The following ARHGAP32 variants were observed in gnomAD, a reference collection of about 807,000 sequenced individuals.
ARHGAP32 encodes rho GTPase-activating protein 32.
Under a neutral mutation model 186.5 loss-of-function variants are expected in ARHGAP32, and 51 were observed. The observed-to-expected ratio is 0.27, with a 90% CI of 0.22 to 0.35. The LOEUF (loss-of-function observed/expected upper bound fraction) is 0.35, where lower values mean the gene tolerates loss of function less well. Among genes scored for constraint, ARHGAP32 ranks in the 10% least tolerant of loss-of-function variants. The probability of loss-of-function intolerance (pLI) is 1.00; values close to 1 mark genes in which losing one functional copy is unlikely to be tolerated. For missense variants in ARHGAP32, 2,186 were observed against 2,623.5 expected (o/e 0.83, Z 3.64); for synonymous variants, 950 against 964.3 (o/e 0.99, Z 0.27).
chr11:129,004,494 G>T (rs1037756526), intron 11 of ARHGAP32, among the ~76,000 whole-genome samples: 1 of 151,880 alleles, frequency 6.6e-6, no homozygotes, highest in African/African-American at 2.4e-5. Context: ...ATTGTATTGG[G>T]ATCTATCTCT....
intron 1 of ARHGAP32, among the ~76,000 whole-genome samples, chr11:129,217,571 C>T (rs1248587700): frequency 6.6e-6 from 1 of 152,120 alleles, no homozygotes; most frequent in East Asian, 1.9e-4. Flanking sequence ...TATATATACT[C>T]TGTAATTTAT....
At chr11:128,986,742 A>G in intron 13 of ARHGAP32, 74 bp from the exon 14 acceptor site, 1 of 1,462,330 alleles carries the variant, frequency 6.8e-7, no homozygotes, top group East Asian at 2.3e-5. Flanking sequence ...AACAGAAAGC[A>G]TAAGCTCCAA....
At position 128,972,906 on chromosome 11, in the gene ARHGAP32, C is replaced by T. The variant is rs755063916; in HGVS notation, c.3600G>A (p.Gln1200=). 4.3e-6 allele frequency: 7 copies of T among 1,614,016 alleles called. No homozygotes were observed. The East Asian group carries it at 6.7e-5, about 15-fold the overall frequency. ...SDDHVSFPED[Q]SGKNSMPTVS... ...CAGTTGGCATACTGTTCTTCCCAGA[C>T]TGGTCTTCAGGGAAACTTACATGAT... is the stretch of plus-strand genomic sequence containing the variant. Residue 1200 remains glutamine (Q), a synonymous_variant, in exon 22 of 23, where the codon CAG becomes CAA. Coordinates refer to ENST00000682385, the MANE Select transcript of ARHGAP32 (RefSeq NM_001378024.1).
intron 6 of ARHGAP32, among the ~76,000 whole-genome samples, chr11:129,080,136 G>A (rs542385540): frequency 6.6e-6 from 1 of 151,942 alleles, no homozygotes; most frequent in Non-Finnish European, 1.5e-5. Context: ...AATGACAGAT[G>A]GCAACACAGT....
At chr11:129,262,783 CAA>C (rs10719430) in intron 1 of ARHGAP32, among the ~76,000 whole-genome samples, 7 of 151,474 alleles carry the variant, frequency 4.6e-5, no homozygotes, top group African/African-American at 1.2e-4. Flanking sequence ...TGCAACACAC[CAA>C]AAAAAAAACC....
chr11:129,192,460 C>T (rs146368446), upstream of ARHGAP32, among the ~76,000 whole-genome samples: 352 of 152,258 alleles, frequency 2.3e-3, 1 homozygote, highest in African/African-American at 8.3e-3. Context: ...AAAGCAGAAT[C>T]TAAATGAAGG....
At chr11:129,090,619 C>T (rs1941546658) in intron 6 of ARHGAP32, among the ~76,000 whole-genome samples, 1 of 152,086 alleles carries the variant, frequency 6.6e-6, no homozygotes, top group Non-Finnish European at 1.5e-5. Flanking sequence ...CAAAACAAGA[C>T]TTTTATTACA....
chr11:129,267,420 A>C (rs553298187), intron 1 of ARHGAP32, among the ~76,000 whole-genome samples: 1 of 150,924 alleles, frequency 6.6e-6, no homozygotes, highest in African/African-American at 2.4e-5. Context: ...TCTGACTCTG[A>C]TCTAGGTTAT....
intron 6 of ARHGAP32, among the ~76,000 whole-genome samples, chr11:129,086,854 C>G (rs1228641802): frequency 3.3e-5 from 5 of 150,236 alleles, no homozygotes; most frequent in African/African-American, 1.2e-4. Flanking sequence ...ACTGATAAAG[C>G]ACTGTAAACC....
At chr11:129,254,953 T>C (rs1382875005) in intron 1 of ARHGAP32, among the ~76,000 whole-genome samples, 4 of 152,168 alleles carry the variant, frequency 2.6e-5, no homozygotes, top group African/African-American at 9.6e-5. Context: ...CTAGGTTCTC[T>C]TGATGGCTAA....
intron 2 of ARHGAP32, among the ~76,000 whole-genome samples, chr11:129,139,265 T>C (rs1020791843): frequency 2.0e-5 from 3 of 152,132 alleles, no homozygotes; most frequent in Non-Finnish European, 4.4e-5. Context: ...GAAAAATATA[T>C]AACAAAACTC....
chr11:129,002,734 G>T (rs1407984474), intron 11 of ARHGAP32, among the ~76,000 whole-genome samples: 2 of 151,458 alleles, frequency 1.3e-5, no homozygotes, highest in Non-Finnish European at 2.9e-5. Context: ...TGTAGTATAT[G>T]GCTTTTATTA....
rs1301799758 is a variant in ARHGAP32 at position 129,164,491 on chromosome 11, T to G, written c.117-64A>C. The G allele has an allele frequency of 3.1e-6, 3 of 960,148 alleles. No homozygotes were observed. The Admixed American group carries it at 8.0e-5, about 26-fold the overall frequency. The allele number at this position is 960,148 out of a possible 1,614,324, so 59.5% of individuals were successfully genotyped here. A position where few individuals can be genotyped will look rare whatever the true frequency, so the allele number is the denominator to read the frequency against. On this transcript the variant is annotated intron_variant, in intron 1 of 22. Transcript: ENST00000682385. ...CAATTCTATGAAAGCCTTCCAATGA[T>G]CACAATTGAAAGAGCAGAAAAACTA...
chr11:129,039,140 G>A (rs1939487331), intron 11 of ARHGAP32, among the ~76,000 whole-genome samples: 1 of 152,144 alleles, frequency 6.6e-6, no homozygotes, highest in Admixed American at 6.5e-5. Flanking sequence ...TACACTGCTG[G>A]TGGAACTGCA....
At chr11:129,137,714 T>C (rs1942966105) in intron 2 of ARHGAP32, among the ~76,000 whole-genome samples, 1 of 152,040 alleles carries the variant, frequency 6.6e-6, no homozygotes, top group Non-Finnish European at 1.5e-5. Flanking sequence ...CCCATATTCA[T>C]TTCTTTTTTG....
At chr11:129,039,675 A>T (rs1939505948) in intron 11 of ARHGAP32, among the ~76,000 whole-genome samples, 1 of 152,250 alleles carries the variant, frequency 6.6e-6, no homozygotes, top group Non-Finnish European at 1.5e-5. Flanking sequence ...CCTGTTACAC[A>T]ATTTAAAGGG....
intron 1 of ARHGAP32, among the ~76,000 whole-genome samples, chr11:129,171,286 G>A (rs1271352190): frequency 6.6e-6 from 1 of 152,162 alleles, no homozygotes; most frequent in Non-Finnish European, 1.5e-5. Flanking sequence ...TTTTCTTCTA[G>A]GGTTTTTATG....
rs56934368 is a variant in ARHGAP32, at chr11:129,173,033, AAAACAAAC to A, written c.117-8614_117-8607del. Among the ~76,000 whole-genome samples, 230 of 150,630 alleles carry A rather than the reference AAAACAAAC, an allele frequency of 1.5e-3. 2 individuals are homozygous for A. The highest frequency in any genetic ancestry group is 4.2e-3 in the Admixed American group (63 of 15,178). On this transcript the variant is annotated intron_variant, in intron 1 of 22. Transcript: ENST00000682385. ...CAAATCCAGGGGCTGTTTTTTTGAA[AAAACAAAC>A]AAACAAACAAACAAACAAAAAACCA...
At chr11:129,193,596 TATATATA>T (rs1305620768), upstream of ARHGAP32, among the ~76,000 whole-genome samples, 8 of 31,206 alleles carry the variant, frequency 2.6e-4, no homozygotes, top group East Asian at 8.2e-4. Context: ...TAATATATGT[TATATATA>T]ATATATAATA....
Sources: gnomAD v4.1 joint callset for allele counts (sites outside exome capture counted in the v4.1 genomes callset) on GRCh38, gnomAD v4.1.1 for gene constraint, MANE v1.5 for transcripts, NCBI Gene and HGNC (gene_info 2026-07-23, HGNC 2026-07-21) for gene names.